Variants in MCU observed in about 807,000 individuals in gnomAD.
MCU encodes the protein mitochondrial calcium uniporter.
In MCU, 12 loss-of-function variants were observed where a neutral mutation model predicts 45.2. That is an observed-to-expected ratio of 0.27 (90% CI 0.17 to 0.43). The LOEUF is 0.43. Ranked by LOEUF, MCU falls within the 20% of genes least tolerant of loss-of-function variation. The probability of loss-of-function intolerance (pLI) is 1.00; values close to 1 mark genes in which losing one functional copy is unlikely to be tolerated. For missense variants in MCU, 324 were observed against 436.7 expected (o/e 0.74, Z 2.30); for synonymous variants, 160 against 165.1 (o/e 0.97, Z 0.24).
chr10:72,751,034 T>C (rs1215571711), intron 1 of MCU, among the ~76,000 whole-genome samples: 1 of 152,220 alleles, frequency 6.6e-6, no homozygotes, highest in Non-Finnish European at 1.5e-5. Flanking sequence ...AGAGTTTTGC[T>C]CTGTTGCCCA....
At chr10:72,732,548 A>G (rs899463668) in intron 1 of MCU, among the ~76,000 whole-genome samples, 1 of 152,248 alleles carries the variant, frequency 6.6e-6, no homozygotes, top group Non-Finnish European at 1.5e-5. Context: ...ACATGATAGG[A>G]TCTGGTGAAC....
At chr10:72,812,835 G>T (rs764573202) in intron 1 of MCU, among the ~76,000 whole-genome samples, 2 of 152,192 alleles carry the variant, frequency 1.3e-5, no homozygotes, top group African/African-American at 4.8e-5. Flanking sequence ...TTAGTGTCCT[G>T]TGGGAGGTTG....
In MCU at chr10:72,796,693, G is replaced by T. The variant is rs28503174; in HGVS notation, c.151-37666G>T. The stretch of plus-strand genomic sequence containing the variant: ...CACGCCTGGCTACTTTTTAGTTTTT[G>T]TTTTTTTTTTTTTTTGTAGAGATGG... On this transcript the variant is annotated intron_variant, in intron 1 of 7. Coordinates refer to ENST00000373053, the MANE Select transcript of MCU (RefSeq NM_138357.3). Among the ~76,000 whole-genome samples the T allele has an allele frequency of 7.2e-3, 966 of 133,926 alleles. 10 individuals carry two copies. The highest frequency in any genetic ancestry group is 0.022 in the African/African-American group (797 of 36,130). The allele number at this position is 133,926 out of a possible 152,430, so 87.9% of individuals were successfully genotyped here. A position where few individuals can be genotyped will look rare whatever the true frequency, so the allele number is the denominator to read the frequency against.
At chr10:72,859,557 G>C (rs1301814449) in intron 3 of MCU, among the ~76,000 whole-genome samples, 1 of 152,186 alleles carries the variant, frequency 6.6e-6, no homozygotes. Context: ...TTTAGCAAAT[G>C]TGTATGCACA....
At chr10:72,696,185 A>AAAG (rs1564531189) in intron 1 of MCU, among the ~76,000 whole-genome samples, 1 of 109,988 alleles carries the variant, frequency 9.1e-6, no homozygotes, top group African/African-American at 3.5e-5. Context: ...AAAAAAAAAA[A>AAAG]TTTTTTTTTT....
intron 1 of MCU, among the ~76,000 whole-genome samples, chr10:72,820,855 A>G (rs779540523): frequency 1.3e-5 from 2 of 150,764 alleles, no homozygotes; most frequent in Non-Finnish European, 3.0e-5. Context: ...AGTTAACAGT[A>G]CTTTTGGTCA....
At chr10:72,819,572 T>C (rs931513280) in intron 1 of MCU, among the ~76,000 whole-genome samples, 2 of 152,196 alleles carry the variant, frequency 1.3e-5, no homozygotes, top group African/African-American at 4.8e-5. Context: ...TCCTAGGCTG[T>C]AATAACTCAT....
At chr10:72,818,605 C>T (rs1049660315) in intron 1 of MCU, among the ~76,000 whole-genome samples, 2 of 151,970 alleles carry the variant, frequency 1.3e-5, no homozygotes, top group Admixed American at 6.6e-5. Context: ...TTTGGGAGGC[C>T]GAGGTGGGTG....
At chr10:72,779,249 T>C (rs139669819) in intron 1 of MCU, among the ~76,000 whole-genome samples, 5,876 of 152,276 alleles carry the variant, frequency 0.039, 388 homozygotes, top group African/African-American at 0.13. Flanking sequence ...ATTACAGGCG[T>C]GAGCCACTGC....
chr10:72,860,368 G>T (rs1589500714), intron 3 of MCU, 55 bp from the exon 4 acceptor site: 1 of 1,419,244 alleles, frequency 7.0e-7, no homozygotes, highest in South Asian at 1.2e-5. Flanking sequence ...GAATTTTCCT[G>T]ACCATTCTTG....
intron 1 of MCU, among the ~76,000 whole-genome samples, chr10:72,764,020 TC>T (rs1843692600): frequency 6.6e-6 from 1 of 152,216 alleles, no homozygotes; most frequent in Non-Finnish European, 1.5e-5. Context: ...CCATTTACCA[TC>T]AGTAAATAAG....
At chr10:72,750,384 A>G (rs1462826817) in intron 1 of MCU, among the ~76,000 whole-genome samples, 1 of 152,234 alleles carries the variant, frequency 6.6e-6, no homozygotes, top group Non-Finnish European at 1.5e-5. Context: ...CTAGATTAAG[A>G]TAATAAAATA....
chr10:72,718,222 C>A (rs1204193535), intron 1 of MCU, among the ~76,000 whole-genome samples: 1 of 152,224 alleles, frequency 6.6e-6, no homozygotes, highest in African/African-American at 2.4e-5. Flanking sequence ...GTACAACAGG[C>A]AAAGTTTGGA....
intron 1 of MCU, among the ~76,000 whole-genome samples, chr10:72,814,928 G>A (rs1243027013): frequency 1.3e-5 from 2 of 152,078 alleles, no homozygotes; most frequent in Non-Finnish European, 2.9e-5. Context: ...TAGGAAAGAA[G>A]TATAAAAGAA....
At chr10:72,771,165 C>A (rs1347963882) in intron 1 of MCU, among the ~76,000 whole-genome samples, 1 of 152,090 alleles carries the variant, frequency 6.6e-6, no homozygotes, top group African/African-American at 2.4e-5. Flanking sequence ...CGTCATTTTA[C>A]ATTAAGTATT....
intron 1 of MCU, among the ~76,000 whole-genome samples, chr10:72,703,371 C>G (rs1391811508): frequency 6.6e-6 from 1 of 152,168 alleles, no homozygotes; most frequent in African/African-American, 2.4e-5. Flanking sequence ...ATGACTTAAC[C>G]ATGATCACAC....
At chr10:72,805,147 C>CTTTCTTTCTT (rs1844420549) in intron 1 of MCU, among the ~76,000 whole-genome samples, 2 of 139,890 alleles carry the variant, frequency 1.4e-5, no homozygotes, top group African/African-American at 3.0e-5. Flanking sequence ...TTCTTTCTTT[C>CTTTCTTTCTT]TTTCTTTCTT....
At chr10:72,809,515 T>C (rs1320354151) in intron 1 of MCU, among the ~76,000 whole-genome samples, 2 of 152,182 alleles carry the variant, frequency 1.3e-5, no homozygotes, top group African/African-American at 4.8e-5. Context: ...ACCAAAAAGT[T>C]TGACGTACAA....
chr10:72,693,152 C>T (rs1337621118), intron 1 of MCU: 4 of 1,329,210 alleles, frequency 3.0e-6, no homozygotes, highest in Non-Finnish European at 4.2e-6. Context: ...AAGAGGATTT[C>T]TGTTTGAACA....
Sources: gnomAD v4.1 joint callset for allele counts (sites outside exome capture counted in the v4.1 genomes callset) on GRCh38, gnomAD v4.1.1 for gene constraint, MANE v1.5 for transcripts, NCBI Gene and HGNC (gene_info 2026-07-23, HGNC 2026-07-21) for gene names.